The following MYL6B variants were observed in gnomAD, a reference collection of about 807,000 sequenced individuals.
MYL6B encodes the protein myosin light chain 6B.
Under a neutral mutation model 24.5 loss-of-function variants are expected in MYL6B, and 19 were observed. The ratio of observed to expected loss-of-function variants is 0.78; its 90% CI spans 0.54 to 1.14. The LOEUF (loss-of-function observed/expected upper bound fraction) is 1.14, where lower values mean the gene tolerates loss of function less well. Ranked by LOEUF, MYL6B falls within the 50% of genes most tolerant of loss-of-function variation. MYL6B has a pLI of 0.00. For synonymous variants in MYL6B, 90 were observed against 100.7 expected, an observed-to-expected ratio of 0.89 and a Z score of 0.64; for missense variants, 230 against 263.8, an observed-to-expected ratio of 0.87 and a Z score of 0.89.
At chr12:56,155,699 G>A (rs1184903241) in intron 5 of MYL6B, 107 bp downstream of exon 5, 2 of 1,575,452 alleles carry the variant, frequency 1.3e-6, no homozygotes, top group Non-Finnish European at 1.7e-6. Flanking sequence ...TTACTGTCCT[G>A]CAGGTTGTCG....
At chr12:56,153,842 G>T in intron 1 of MYL6B, 31 bp from the exon 2 acceptor site, 1 of 1,458,432 alleles carries the variant, frequency 6.9e-7, no homozygotes, top group East Asian at 2.4e-5. Context: ...CCCGCCCCTT[G>T]ACATCCCAGA....
chr12:56,153,786 C>T (rs1429853986), intron 1 of MYL6B, 87 bp from the exon 2 acceptor site: 1 of 923,946 alleles, frequency 1.1e-6, no homozygotes, highest in South Asian at 1.8e-5. Context: ...TTATATCTCT[C>T]CTCTACCTCA....
intron 2 of MYL6B, among the ~76,000 whole-genome samples, chr12:56,154,317 C>T (rs929574710): frequency 2.6e-5 from 4 of 152,188 alleles, no homozygotes; most frequent in African/African-American, 9.7e-5. Context: ...AGCACATACA[C>T]ACTCACTTAC....
intron 4 of MYL6B, 46 bp from the exon 5 acceptor site, chr12:56,155,373 A>C: frequency 6.2e-7 from 1 of 1,613,512 alleles, no homozygotes; most frequent in Non-Finnish European, 8.5e-7. Flanking sequence ...GCTGGGTCCT[A>C]TGTAATACTA....
At chr12:56,155,005 G>A in intron 3 of MYL6B, 50 bp from the exon 4 acceptor site, 2 of 1,572,898 alleles carry the variant, frequency 1.3e-6, no homozygotes, top group Admixed American at 3.7e-5. Context: ...CTGTCTGGGG[G>A]TGATGGGAAC....
exon 2 of MYL6B, chr12:56,154,023 A>T (rs1281156055): frequency 1.2e-6 from 2 of 1,614,052 alleles, no homozygotes. Flanking sequence ...CCAAGACCAA[A>T]GCTGAGCCAG....
chr12:56,157,737 TA>T lies in MYL6B; in HGVS notation c.*12del, dbSNP rs764571973. 6.2e-7 allele frequency: 1 copy of T among 1,611,272 alleles called. No homozygotes were observed. The highest frequency in any genetic ancestry group is 1.1e-5 in the South Asian group (1 of 91,078). ...ATCCTAAGCGTCTGAGTGCTGCAGG[TA>T]GGGCCCTCCCACCCCTTCGCCGCGC... On this transcript the variant is annotated 3_prime_UTR_variant, in exon 7 of 7. Transcript: ENST00000553066.
chr12:56,154,802 T>C lies in MYL6B; in HGVS notation c.175-11T>C. Reference sequence around the variant, plus strand: ...CTCTCATCTCTCCCCACCTGCTTTTTTCTTCCACAGATCGAGTTTAACAAG... The same window carrying C: ...CTCTCATCTCTCCCCACCTGCTTTTCTCTTCCACAGATCGAGTTTAACAAG... On this transcript the variant is annotated splice_polypyrimidine_tract_variant and intron_variant, in intron 2 of 6. Transcript: ENST00000553066. 2 of 1,612,578 alleles carry C rather than the reference T, an allele frequency of 1.2e-6. No individual in the cohort carries two copies. Among genetic ancestry groups the C allele is most frequent in the Non-Finnish European group, 1.7e-6 (2 of 1,179,134 alleles).
At chr12:56,155,890 T>C (rs1047567939) in intron 5 of MYL6B, 13 of 1,276,838 alleles carry the variant, frequency 1.0e-5, no homozygotes, top group Non-Finnish European at 1.3e-5. Flanking sequence ...CCTGGGATTG[T>C]TTCCTTGTGG....
intron 5 of MYL6B, chr12:56,155,920 C>G: frequency 8.2e-7 from 1 of 1,219,844 alleles, no homozygotes; most frequent in African/African-American, 1.6e-5. Flanking sequence ...TTCAGCAGTA[C>G]TAGGGTGAAA....
At position 56,153,870 on chromosome 12, in the gene MYL6B, CAG is replaced by C. The variant is rs1871203348; in HGVS notation, c.-45_-44del. On this transcript the variant is annotated splice_acceptor_variant, in intron 1 of 6. Coordinates refer to ENST00000553066, the Ensembl canonical transcript of MYL6B. LOFTEE classifies it low-confidence loss of function (5UTR_SPLICE). ...ATCCCAGACTCCCTGGCTATTTAAA[CAG>C]AGATGGGTGCCCCCATCCGCACACT... The C allele has an allele frequency of 6.5e-7, 1 of 1,528,300 alleles. No homozygotes were observed. Among genetic ancestry groups the C allele is most frequent in the Non-Finnish European group, 8.8e-7 (1 of 1,133,180 alleles). 94.7% of individuals were successfully genotyped at this position (1,528,300 alleles called of 1,614,324 possible).
At chr12:56,157,916 G>C (rs1055135019) in exon 7 of MYL6B, 3 of 640,278 alleles carry the variant, frequency 4.7e-6, no homozygotes, top group Non-Finnish European at 8.0e-6. Context: ...CCCCGCAGGC[G>C]AAAGCACGTT....
chr12:56,155,520 T>G, exon 5 of MYL6B: 1 of 1,612,822 alleles, frequency 6.2e-7, no homozygotes, highest in Non-Finnish European at 8.5e-7. Flanking sequence ...CTTGGAGGGG[T>G]TTCGTGTGTT....
chr12:56,157,791 C>T (rs1018406800), exon 7 of MYL6B: 30 of 1,577,662 alleles, frequency 1.9e-5, no homozygotes, highest in Non-Finnish European at 2.2e-5. Context: ...CCGCCCTTCT[C>T]TCAGCCAACA....
exon 7 of MYL6B, chr12:56,157,778 C>T (rs921488180): frequency 1.6e-5 from 25 of 1,596,282 alleles, no homozygotes; most frequent in Non-Finnish European, 2.0e-5. Flanking sequence ...CGAGGCAAGT[C>T]TCCCGCCCTT....
Position 56,157,560 on chromosome 12 carries a change from A to G in MYL6B, c.598+15A>G, listed in dbSNP as rs559722587. ...CAACTACGAGGGTGAGGGGACAAAA[A>G]AGCGGGAGCGGGGCCGAGGGAGGAG... On this transcript the variant is annotated intron_variant, in intron 6 of 6. Transcript: ENST00000553066. The G allele has an allele frequency of 6.3e-5, 102 of 1,613,576 alleles. No homozygotes were observed. The South Asian group carries it at 1.0e-3, about 16-fold the overall frequency.
chr12:56,157,817 G>A (rs1871399572), exon 7 of MYL6B: 2 of 1,496,606 alleles, frequency 1.3e-6, no homozygotes, highest in Non-Finnish European at 1.8e-6. Flanking sequence ...AAGCAGCGGA[G>A]TTCATTCTGC....
intron 1 of MYL6B, chr12:56,153,414 G>A: frequency 1.0e-6 from 1 of 985,730 alleles, no homozygotes; most frequent in Non-Finnish European, 1.2e-6. Flanking sequence ...GGTCAGAAGG[G>A]AGTGGAGGGG....
In MYL6B at chr12:56,153,346, C is replaced by T. The variant is rs1460899381; in HGVS notation, c.-46-527C>T. 6.0e-6 allele frequency: 5 copies of T among 834,264 alleles called. No homozygotes were observed. The East Asian group carries it at 3.7e-4, about 62-fold the overall frequency. 51.7% of individuals were successfully genotyped at this position (834,264 alleles called of 1,614,324 possible). On this transcript the variant is annotated intron_variant, in intron 1 of 6. Transcript: ENST00000553066. ...TGGCTGGGTGGGGGCTCAGGAACTA[C>T]AAGTATTAGGGATCATTAGACTCTA...
Sources: gnomAD v4.1 joint callset for allele counts (sites outside exome capture counted in the v4.1 genomes callset) on GRCh38, gnomAD v4.1.1 for gene constraint, MANE v1.5 for transcripts, NCBI Gene and HGNC (gene_info 2026-07-23, HGNC 2026-07-21) for gene names.